SCP2: variants seen among roughly 807,000 people sequenced by gnomAD.
The protein encoded by SCP2 is sterol carrier protein 2, also known as SCP-2/3-oxoacyl-CoA thiolase.
Under a neutral mutation model 71.4 loss-of-function variants are expected in SCP2, and 48 were observed. The observed-to-expected ratio is 0.67, with a 90% CI of 0.53 to 0.86. The LOEUF is 0.86. SCP2 is among the 40% of genes least tolerant of loss of function. The pLI is 0.00. For synonymous variants in SCP2, 220 were observed against 218.1 expected (o/e 1.01, Z -0.08); for missense variants, 560 against 655.6 (o/e 0.85, Z 1.59).
intron 11 of SCP2, chr1:52,995,699 A>G: frequency 1.3e-6 from 1 of 748,376 alleles, no homozygotes; most frequent in East Asian, 2.6e-5. Flanking sequence ...GCAGAACCAG[A>G]ACAGCAGCTA....
intron 11 of SCP2, among the ~76,000 whole-genome samples, chr1:52,988,710 G>A (rs1659210699): frequency 1.4e-5 from 2 of 145,776 alleles, no homozygotes; most frequent in Admixed American, 1.4e-4. Flanking sequence ...TTTTGAGATG[G>A]AGTCTCGCTC....
chr1:53,050,279 G>A (rs1391131314), intron 15 of SCP2: 1 of 249,842 alleles, frequency 4.0e-6, no homozygotes, highest in Non-Finnish European at 7.9e-6. Flanking sequence ...AAAAATTTCA[G>A]TTCATATTTC....
intron 6 of SCP2, among the ~76,000 whole-genome samples, chr1:52,962,522 T>C (rs530458292): frequency 7.4e-4 from 113 of 152,260 alleles, no homozygotes; most frequent in African/African-American, 2.6e-3. Context: ...GACATTCAGA[T>C]TGAAACCCAA....
intron 2 of SCP2, chr1:52,943,604 C>T: frequency 2.4e-6 from 1 of 412,978 alleles, no homozygotes; most frequent in Non-Finnish European, 4.8e-6. Flanking sequence ...ATGGATAGTG[C>T]ACAGGTTGGT....
intron 9 of SCP2, among the ~76,000 whole-genome samples, chr1:52,979,295 T>A (rs1658258687): frequency 6.6e-6 from 1 of 151,906 alleles, no homozygotes; most frequent in Non-Finnish European, 1.5e-5. Flanking sequence ...CTTCAGCCTC[T>A]CGAGAAAGTG....
At chr1:52,995,742 C>G (rs888822280) in intron 11 of SCP2, 6 of 774,518 alleles carry the variant, frequency 7.7e-6, no homozygotes, top group East Asian at 2.5e-5. Context: ...AACATCAAGA[C>G]AGCTGTCTGT....
chr1:52,966,247 A>G (rs1450812585), intron 6 of SCP2, among the ~76,000 whole-genome samples: 3 of 151,762 alleles, frequency 2.0e-5, no homozygotes, highest in African/African-American at 7.3e-5. Context: ...GCACATAGAT[A>G]TATCTATTAT....
chr1:52,952,650 C>G (rs1466741738), intron 4 of SCP2, among the ~76,000 whole-genome samples: 1 of 151,984 alleles, frequency 6.6e-6, no homozygotes, highest in African/African-American at 2.4e-5. Flanking sequence ...ACCTGTAATC[C>G]TAGCTTCTTG....
intron 5 of SCP2, among the ~76,000 whole-genome samples, chr1:52,956,715 A>G (rs965495398): frequency 1.2e-4 from 18 of 152,244 alleles, no homozygotes; most frequent in African/African-American, 4.1e-4. Context: ...AGACTGAGAA[A>G]TAAGGTTGTG....
At chr1:53,040,937 A>G (rs1338776642) in intron 14 of SCP2, among the ~76,000 whole-genome samples, 3 of 152,208 alleles carry the variant, frequency 2.0e-5, no homozygotes, top group African/African-American at 4.8e-5. Flanking sequence ...TACCCGAGAC[A>G]TGGAAGGCCT....
At chr1:53,009,944 A>C (rs1034080516) in intron 11 of SCP2, among the ~76,000 whole-genome samples, 1 of 152,198 alleles carries the variant, frequency 6.6e-6, no homozygotes, top group African/African-American at 2.4e-5. Context: ...AAAATCAAAC[A>C]ACCCCATCAA....
rs1654376136 is a variant in SCP2, at chr1:52,942,701, T to C, written c.127+848T>C. ...GCCAGAAAAATTTAACAGGTTTTTT[T>C]TTTTTTTTTTTTTTGAGATGGAGTT... On this transcript the variant is annotated intron_variant, in intron 2 of 15. Transcript: ENST00000371514. 2.0e-5 allele frequency among the ~76,000 whole-genome samples: 3 copies of C among 148,642 alleles called. No individual in the cohort carries two copies. In the South Asian group the frequency reaches 6.5e-4, roughly 32 times the overall value.
At chr1:53,004,895 G>A (rs1660532730) in intron 11 of SCP2, among the ~76,000 whole-genome samples, 1 of 152,104 alleles carries the variant, frequency 6.6e-6, no homozygotes, top group Admixed American at 6.5e-5. Flanking sequence ...CGTGACAGAT[G>A]GTACCTGGAA....
At chr1:53,016,988 T>G (rs1661381471) in intron 12 of SCP2, among the ~76,000 whole-genome samples, 2 of 150,680 alleles carry the variant, frequency 1.3e-5, no homozygotes, top group African/African-American at 2.4e-5. Flanking sequence ...AGAGGAGAGG[T>G]CACATTTAAG....
intron 6 of SCP2, chr1:52,963,687 T>A (rs1656682825): frequency 6.6e-6 from 1 of 152,156 alleles, no homozygotes; most frequent in African/African-American, 2.4e-5. Context: ...ATCTTAGATA[T>A]TTTACACACC....
intron 8 of SCP2, 134 bp downstream of exon 8, chr1:52,976,903 T>C (rs1457130015): frequency 1.5e-6 from 1 of 654,134 alleles, no homozygotes; most frequent in Admixed American, 2.4e-5. Flanking sequence ...GTCCCCACTC[T>C]GGGTCACTTC....
chr1:52,943,219 G>A (rs1007372651), intron 2 of SCP2, among the ~76,000 whole-genome samples: 16 of 151,172 alleles, frequency 1.1e-4, no homozygotes, highest in Non-Finnish European at 2.2e-4. Context: ...TCCCAACATG[G>A]TGGGTTCTTT....
At chr1:52,959,323 G>A (rs926161760) in intron 5 of SCP2, among the ~76,000 whole-genome samples, 1 of 151,750 alleles carries the variant, frequency 6.6e-6, no homozygotes, top group African/African-American at 2.4e-5. Flanking sequence ...AGCCTCCCGA[G>A]TAGCTGGGAT....
Position 52,990,683 on chromosome 1 carries a change from G to A in SCP2, c.1081+2547G>A, listed in dbSNP as rs189962747. The stretch of plus-strand genomic sequence containing the variant: ...CGGGAGGCGGAGCCTGCAGTGAGCC[G>A]AGATCATGCCACTGCACTCCAGCCT... On this transcript the variant is annotated intron_variant, in intron 11 of 15. Transcript: ENST00000371514. Among the ~76,000 whole-genome samples the A allele has an allele frequency of 2.7e-3, 352 of 130,836 alleles. 1 individual carries two copies. The highest frequency in any genetic ancestry group is 0.024 in the Middle Eastern group (5 of 206). 85.8% of individuals were successfully genotyped at this position (130,836 alleles called of 152,430 possible). A position where few individuals can be genotyped will look rare whatever the true frequency, so the allele number is the denominator to read the frequency against.
Sources: allele counts gnomAD v4.1 joint callset (sites outside exome capture counted in the v4.1 genomes callset), GRCh38; gene constraint gnomAD v4.1.1; transcripts MANE v1.5; gene names NCBI Gene and HGNC (gene_info 2026-07-23, HGNC 2026-07-21).